XIRP2: variants seen among roughly 807,000 people sequenced by gnomAD.
XIRP2 encodes xin actin binding repeat containing 2.
In XIRP2, 236 loss-of-function variants were observed where a neutral mutation model predicts 277.0. The observed-to-expected ratio is 0.85, with a 90% CI of 0.77 to 0.95. XIRP2 has a LOEUF of 0.95. Ranked by LOEUF, XIRP2 falls within the 40% of genes least tolerant of loss-of-function variation. The pLI is 0.00. For missense variants in XIRP2, 4,640 were observed against 4,157.5 expected (o/e 1.12, Z -3.19); for synonymous variants, 1,490 against 1,416.5 (o/e 1.05, Z -1.17).
chr2:167,029,504 A>G (rs1254916527), intron 2 of XIRP2, among the ~76,000 whole-genome samples: 1 of 152,108 alleles, frequency 6.6e-6, no homozygotes, highest in Non-Finnish European at 1.5e-5. Context: ...GTGATGGAAT[A>G]CGTTTATAGA....
chr2:167,133,984 T>C (rs1273444286), intron 2 of XIRP2, among the ~76,000 whole-genome samples: 3 of 152,190 alleles, frequency 2.0e-5, no homozygotes, highest in Non-Finnish European at 2.9e-5. Flanking sequence ...GTTCTTTTTC[T>C]CTATTTTTCT....
At chr2:167,155,044 A>G (rs1332231144) in intron 3 of XIRP2, among the ~76,000 whole-genome samples, 1 of 151,816 alleles carries the variant, frequency 6.6e-6, no homozygotes, top group Non-Finnish European at 1.5e-5. Flanking sequence ...AGACTAAACC[A>G]GGAAGAAGTT....
chr2:167,023,094 C>A (rs1373245378), intron 2 of XIRP2, among the ~76,000 whole-genome samples: 6 of 152,290 alleles, frequency 3.9e-5, no homozygotes, highest in Middle Eastern at 3.4e-3. Context: ...ATTCCTATTT[C>A]TCCACATCCC....
At chr2:167,056,607 A>G (rs1280697857) in intron 2 of XIRP2, among the ~76,000 whole-genome samples, 1 of 152,152 alleles carries the variant, frequency 6.6e-6, no homozygotes, top group African/African-American at 2.4e-5. Flanking sequence ...ATCACATGAT[A>G]CTTTTGTGAG....
intron 2 of XIRP2, among the ~76,000 whole-genome samples, chr2:166,986,043 G>T (rs1477527808): frequency 6.6e-6 from 1 of 152,296 alleles, no homozygotes; most frequent in Middle Eastern, 3.4e-3. Flanking sequence ...GCACCAGGTT[G>T]TACCAGAGAG....
intron 3 of XIRP2, among the ~76,000 whole-genome samples, chr2:167,155,736 G>A (rs1333147748): frequency 6.6e-6 from 1 of 151,854 alleles, no homozygotes; most frequent in South Asian, 2.1e-4. Context: ...AGTGTTGGAA[G>A]GTCTGGCCAG....
In XIRP2 at chr2:167,246,373, C is replaced by A. The variant is rs199799734; in HGVS notation, c.4981C>A (p.Gln1661Lys). ...AGAGATAGTGAAAGGTGATGTACAACAAGCAATAAAAAACCTGTTCTCTGA... is the reference window on the plus strand; with the variant it reads ...AGAGATAGTGAAAGGTGATGTACAAAAAGCAATAAAAAACCTGTTCTCTGA... ...KEEIVKGDVQ[Q>K]AIKNLFSEER... The change falls in exon 9 of 11, where the codon CAA becomes AAA. Residue 1661 changes from glutamine (Q) to lysine (K), a missense_variant. Coordinates refer to ENST00000409195, the MANE Select transcript of XIRP2 (RefSeq NM_152381.6). The A allele has an allele frequency of 1.6e-4, 256 of 1,613,076 alleles. 1 individual carries two copies. In the African/African-American group the frequency reaches 3.2e-3, roughly 20 times the overall value.
chr2:167,023,621 T>A (rs971855436), intron 2 of XIRP2, among the ~76,000 whole-genome samples: 1 of 152,196 alleles, frequency 6.6e-6, no homozygotes, highest in African/African-American at 2.4e-5. Context: ...CCATCTTGAA[T>A]TAATTTTTGT....
In XIRP2 at chr2:167,249,191, G is replaced by A. The variant is rs141843026; in HGVS notation, c.7799G>A (p.Gly2600Glu). ...ACCAATGAGGAGGTTTCCCTATCTG[G>A]AATTGATTCAGAATGCACTGTGGTT... is the stretch of plus-strand genomic sequence containing the variant. ...QKTNEEVSLS[G>E]IDSECTVVQP... The change falls in exon 9 of 11, where the codon GGA becomes GAA. Residue 2600 changes from glycine (G) to glutamate (E), a missense_variant. Physicochemically the swap from Gly to Glu is moderately conservative, Grantham distance 98. Coordinates refer to ENST00000409195, the MANE Select transcript of XIRP2 (RefSeq NM_152381.6). 1.5e-3 allele frequency: 2,358 copies of A among 1,613,614 alleles called. 5 individuals carry two copies. Among genetic ancestry groups the A allele is most frequent in the Middle Eastern group, 2.5e-3 (15 of 6,056 alleles).
Position 167,088,679 on chromosome 2 carries a change from G to A in XIRP2, c.409-47230G>A, listed in dbSNP as rs561268313. ...GCCATTCCTTGTCCGTTGTGCCCCA[G>A]GCATACTGGCCTTCCTCAATTCCCC... On this transcript the variant is annotated intron_variant, in intron 2 of 10. Transcript: ENST00000409195. 4.6e-5 allele frequency among the ~76,000 whole-genome samples: 7 copies of A among 152,226 alleles called. 2 individuals are homozygous for A. In the South Asian group the frequency reaches 1.2e-3, roughly 27 times the overall value.
At chr2:166,984,587 G>A (rs76034746) in intron 2 of XIRP2, among the ~76,000 whole-genome samples, 2,196 of 152,140 alleles carry the variant, frequency 0.014, 22 homozygotes, top group South Asian at 0.045. Flanking sequence ...ATCATCTTAA[G>A]GTTTTTGAAT....
chr2:167,139,314 T>A (rs1392543106), intron 3 of XIRP2, among the ~76,000 whole-genome samples: 1 of 152,098 alleles, frequency 6.6e-6, no homozygotes, highest in Non-Finnish European at 1.5e-5. Context: ...CAGATTTATA[T>A]GACTTGGAGT....
At chr2:166,918,439 G>A (rs765695296) in intron 2 of XIRP2, among the ~76,000 whole-genome samples, 2 of 151,954 alleles carry the variant, frequency 1.3e-5, no homozygotes, top group Non-Finnish European at 1.5e-5. Context: ...TTCTCGAAAA[G>A]AAAATGATAG....
At chr2:167,144,849 C>A (rs1341034652) in intron 3 of XIRP2, among the ~76,000 whole-genome samples, 1 of 152,094 alleles carries the variant, frequency 6.6e-6, no homozygotes, top group Admixed American at 6.5e-5. Context: ...TTTAATGTCC[C>A]TAGATTTTGC....
At chr2:167,071,898 C>T (rs1031451502) in intron 2 of XIRP2, among the ~76,000 whole-genome samples, 12 of 152,144 alleles carry the variant, frequency 7.9e-5, no homozygotes, top group African/African-American at 1.4e-4. Flanking sequence ...GAATCAAGAC[C>T]GTAGAGGGGA....
chr2:167,083,552 G>A (rs936554819), intron 2 of XIRP2, among the ~76,000 whole-genome samples: 3 of 152,176 alleles, frequency 2.0e-5, no homozygotes, highest in Non-Finnish European at 4.4e-5. Context: ...CCATTTTCAT[G>A]ATATTGATTC....
At chr2:166,928,545 T>A (rs1685247707) in intron 2 of XIRP2, among the ~76,000 whole-genome samples, 1 of 152,142 alleles carries the variant, frequency 6.6e-6, no homozygotes, top group African/African-American at 2.4e-5. Context: ...GAGATTATAT[T>A]TGCAGTTGCT....
intron 2 of XIRP2, among the ~76,000 whole-genome samples, chr2:167,024,954 T>G (rs948569229): frequency 6.6e-6 from 1 of 152,226 alleles, no homozygotes; most frequent in African/African-American, 2.4e-5. Flanking sequence ...GGTATCAGGA[T>G]GATGCTGGCC....
At chr2:167,192,321 T>C (rs1350016622) in intron 3 of XIRP2, among the ~76,000 whole-genome samples, 2 of 152,206 alleles carry the variant, frequency 1.3e-5, no homozygotes, top group African/African-American at 4.8e-5. Context: ...TTAATTGCTT[T>C]GTAACTTCAT....
Sources: gnomAD v4.1 joint callset for allele counts (sites outside exome capture counted in the v4.1 genomes callset) on GRCh38, gnomAD v4.1.1 for gene constraint, MANE v1.5 for transcripts, NCBI Gene and HGNC (gene_info 2026-07-23, HGNC 2026-07-21) for gene names.